SLC35F3: variants seen among roughly 807,000 people sequenced by gnomAD.
SLC35F3 encodes putative thiamine transporter SLC35F3.
A neutral mutation model predicts 49.9 loss-of-function variants in SLC35F3; 25 were observed. That is an observed-to-expected ratio of 0.50 (90% CI 0.37 to 0.70). The LOEUF is 0.70. Ranked by LOEUF, SLC35F3 falls within the 30% of genes least tolerant of loss-of-function variation. The probability of loss-of-function intolerance (pLI) is 0.00; values close to 1 mark genes in which losing one functional copy is unlikely to be tolerated. For missense variants in SLC35F3, 525 were observed against 639.8 expected (o/e 0.82, Z 1.94); for synonymous variants, 275 against 265.4 (o/e 1.04, Z -0.35).
chr1:233,921,862 C>T (rs1558179173), intron 2 of SLC35F3, among the ~76,000 whole-genome samples: 1 of 142,828 alleles, frequency 7.0e-6, no homozygotes. Context: ...GTCCATTGTT[C>T]AATTCCCACC....
Position 234,055,054 on chromosome 1 carries a change from A to G in SLC35F3, c.283+149296A>G, listed in dbSNP as rs1476362793. Among the ~76,000 whole-genome samples, 6 of 152,148 alleles carry G rather than the reference A, an allele frequency of 3.9e-5. No individual in the cohort carries two copies. The East Asian group carries it at 9.6e-4, about 24-fold the overall frequency. ...GCCGTATGAGGTGTCAGGTGCCCCTACTGGGAGGTGCCTCCCAGTTAGACT... is the reference window on the plus strand; with the variant it reads ...GCCGTATGAGGTGTCAGGTGCCCCTGCTGGGAGGTGCCTCCCAGTTAGACT... On this transcript the variant is annotated intron_variant, in intron 2 of 7. Coordinates refer to ENST00000366618, the MANE Select transcript of SLC35F3 (RefSeq NM_173508.4).
intron 2 of SLC35F3, among the ~76,000 whole-genome samples, chr1:233,925,455 C>T (rs1354623398): frequency 2.0e-5 from 3 of 152,020 alleles, no homozygotes; most frequent in Non-Finnish European, 4.4e-5. Flanking sequence ...AGGATTGCAA[C>T]CCCTGCTTTT....
rs115158490 is a variant in SLC35F3, at chr1:234,128,322, C to T, written c.284-103095C>T. ...CCTCTGCTGTCTCTGCATCACCTGG[C>T]GAAGGACAATAGAAGATTCAGGCGC... On this transcript the variant is annotated intron_variant, in intron 2 of 7. Transcript: ENST00000366618. 7.0e-3 allele frequency among the ~76,000 whole-genome samples: 1,064 copies of T among 152,136 alleles called. 13 individuals are homozygous for T. The highest frequency in any genetic ancestry group is 0.024 in the African/African-American group (984 of 41,478).
chr1:234,008,811 G>A (rs1663670094), intron 2 of SLC35F3, among the ~76,000 whole-genome samples: 1 of 152,166 alleles, frequency 6.6e-6, no homozygotes, highest in Non-Finnish European at 1.5e-5. Context: ...TGTCATGACT[G>A]TTCTTGGTAG....
chr1:234,048,169 G>A (rs1580206), intron 2 of SLC35F3, among the ~76,000 whole-genome samples: 16,182 of 152,126 alleles, frequency 0.11, 2,454 homozygotes, highest in African/African-American at 0.34. Flanking sequence ...GAGCAGCTTA[G>A]TTTCTACTTA....
chr1:234,247,626 G>A (rs1433903025), intron 3 of SLC35F3, among the ~76,000 whole-genome samples: 4 of 152,228 alleles, frequency 2.6e-5, no homozygotes, highest in Non-Finnish European at 5.9e-5. Flanking sequence ...TCAGTAGGTT[G>A]GTTGGCTGGT....
chr1:233,991,352 G>A (rs1301687159), intron 2 of SLC35F3, among the ~76,000 whole-genome samples: 1 of 151,924 alleles, frequency 6.6e-6, no homozygotes, highest in Non-Finnish European at 1.5e-5. Flanking sequence ...TTCTTGAAAC[G>A]CCCGTGCCTT....
chr1:233,960,526 T>C (rs1025478304), intron 2 of SLC35F3, among the ~76,000 whole-genome samples: 2 of 152,246 alleles, frequency 1.3e-5, no homozygotes, highest in African/African-American at 4.8e-5. Flanking sequence ...CAGATGGCTC[T>C]CTGGCTTTGA....
At chr1:233,985,015 G>GA (rs1191259743) in intron 2 of SLC35F3, among the ~76,000 whole-genome samples, 2 of 119,262 alleles carry the variant, frequency 1.7e-5, no homozygotes, top group Admixed American at 2.1e-4. Flanking sequence ...TGCAGGGGTT[G>GA]GGGGGGTGCC....
At chr1:234,073,925 G>A (rs1462297403) in intron 2 of SLC35F3, among the ~76,000 whole-genome samples, 1 of 152,096 alleles carries the variant, frequency 6.6e-6, no homozygotes, top group Non-Finnish European at 1.5e-5. Flanking sequence ...GCATTCGATC[G>A]TGTTAAGTGT....
Position 234,214,742 on chromosome 1 carries a change from C to A in SLC35F3, c.284-16675C>A. On this transcript the variant is annotated intron_variant, in intron 2 of 7. Coordinates refer to ENST00000366618, the MANE Select transcript of SLC35F3 (RefSeq NM_173508.4). The surrounding 1 kb of genome is among the most constrained non-coding windows in gnomAD (Gnocchi z 8.0). ...CCGCCTGCGTGGGGGGATCTGGCAG[C>A]TTCAGGGGCTGCCCTGAGCTCCCTG... 1.1e-6 allele frequency: 1 copy of A among 914,914 alleles called. No individual in the cohort carries two copies. The highest frequency in any genetic ancestry group is 1.5e-6 in the Non-Finnish European group (1 of 657,116). The allele number at this position is 914,914 out of a possible 1,614,324, so 56.7% of individuals were successfully genotyped here. A position where few individuals can be genotyped will look rare whatever the true frequency, so the allele number is the denominator to read the frequency against.
chr1:233,907,043 C>T (rs1328450933), intron 2 of SLC35F3, among the ~76,000 whole-genome samples: 1 of 152,102 alleles, frequency 6.6e-6, no homozygotes, highest in Non-Finnish European at 1.5e-5. Flanking sequence ...GGTTGAAAAA[C>T]CCTGGGCATG....
chr1:234,265,821 C>T (rs1278132932), intron 3 of SLC35F3, among the ~76,000 whole-genome samples: 2 of 152,112 alleles, frequency 1.3e-5, no homozygotes, highest in African/African-American at 4.8e-5. Context: ...GGCCCTGATC[C>T]TTCTCCTCCC....
intron 3 of SLC35F3, among the ~76,000 whole-genome samples, chr1:234,297,571 G>A (rs1668622874): frequency 6.6e-6 from 1 of 152,084 alleles, no homozygotes; most frequent in African/African-American, 2.4e-5. Context: ...ACTAATATAA[G>A]GGAATAGTTA....
intron 2 of SLC35F3, among the ~76,000 whole-genome samples, chr1:234,122,770 C>T (rs1665595020): frequency 2.0e-5 from 3 of 152,328 alleles, no homozygotes; most frequent in South Asian, 4.1e-4. Context: ...GCAGCTTCAT[C>T]ATCCACGTCC....
Position 234,309,251 on chromosome 1 carries a change from C to G in SLC35F3, c.759C>G (p.Phe253Leu). 1 of 1,614,206 alleles carries G rather than the reference C, an allele frequency of 6.2e-7. No individual in the cohort carries two copies. The highest frequency in any genetic ancestry group is 8.5e-7 in the Non-Finnish European group (1 of 1,180,036). The change falls in exon 4 of 8, where the codon TTC becomes TTG. Residue 253 changes from phenylalanine (F) to leucine (L), a missense_variant. Transcript: ENST00000366618. Reference protein sequence around the residue: ...KINTTDVSVLFCCNKAFVFLL... With the variant: ...KINTTDVSVLLCCNKAFVFLL... Reference sequence around the variant, plus strand: ...ACACTACGGATGTCTCCGTGTTGTTCTGCTGCAACAAAGCTTTTGTGTTCT... The same window carrying G: ...ACACTACGGATGTCTCCGTGTTGTTGTGCTGCAACAAAGCTTTTGTGTTCT...
chr1:234,209,806 C>G (rs893822268), intron 2 of SLC35F3, among the ~76,000 whole-genome samples: 2 of 151,352 alleles, frequency 1.3e-5, no homozygotes, highest in African/African-American at 2.4e-5. Flanking sequence ...GATGACCTCC[C>G]AAATATCAAA....
At chr1:233,975,573 T>A (rs763606136) in intron 2 of SLC35F3, among the ~76,000 whole-genome samples, 8 of 152,240 alleles carry the variant, frequency 5.3e-5, no homozygotes, top group Non-Finnish European at 1.0e-4. Context: ...CCTTGCCGAC[T>A]GTTAGTGATA....
At chr1:234,247,231 G>A (rs1667646369) in intron 3 of SLC35F3, among the ~76,000 whole-genome samples, 2 of 152,276 alleles carry the variant, frequency 1.3e-5, no homozygotes, top group South Asian at 2.1e-4. Flanking sequence ...ATGGGTGCAT[G>A]TATGCATGTG....
Sources: allele counts gnomAD v4.1 joint callset (sites outside exome capture counted in the v4.1 genomes callset), GRCh38; gene constraint gnomAD v4.1.1; non-coding constraint Gnocchi (gnomAD v3.1); transcripts MANE v1.5; gene names NCBI Gene and HGNC (gene_info 2026-07-23, HGNC 2026-07-21).